Variants in LIPH observed in about 807,000 individuals in gnomAD.
LIPH encodes the protein lipase H, also known as lipase member H.
Under a neutral mutation model 47.6 loss-of-function variants are expected in LIPH, and 32 were observed. The ratio of observed to expected loss-of-function variants is 0.67; its 90% confidence interval spans 0.51 to 0.90. The LOEUF (loss-of-function observed/expected upper bound fraction) is 0.90. Among genes scored for constraint, LIPH ranks in the 40% least tolerant of loss-of-function variants. The pLI is 0.00. For missense variants in LIPH, 497 were observed against 541.4 expected (o/e 0.92, Z 0.81); for synonymous variants, 190 against 195.6 (o/e 0.97, Z 0.24).
chr3:185,518,340 C>T (rs1719796317), intron 6 of LIPH, among the ~76,000 whole-genome samples: 1 of 152,012 alleles, frequency 6.6e-6, no homozygotes, highest in Non-Finnish European at 1.5e-5. Flanking sequence ...AGTGCAATGG[C>T]GCGGTCTCAG....
chr3:185,534,505 CA>C (rs1720440679), intron 2 of LIPH, among the ~76,000 whole-genome samples: 1 of 152,180 alleles, frequency 6.6e-6, no homozygotes, highest in African/African-American at 2.4e-5. Flanking sequence ...GGAAATTTAT[CA>C]TAATAAATAT....
At position 185,508,655 on chromosome 3, in the gene LIPH, C is replaced by A; in HGVS notation, c.*135G>T. ...GTTGTTTGATGTACAATGTGACATC[C>A]ATAGGACGCTACTGAAAAAAGCCTT... On this transcript the variant is annotated 3_prime_UTR_variant, in exon 10 of 10. Coordinates refer to ENST00000296252, the MANE Select transcript of LIPH (RefSeq NM_139248.3). 1 of 712,186 alleles carries A rather than the reference C, an allele frequency of 1.4e-6. No individual in the cohort carries two copies. Among genetic ancestry groups the A allele is most frequent in the Non-Finnish European group, 2.6e-6 (1 of 387,868 alleles). 44.1% of individuals were successfully genotyped at this position (712,186 alleles called of 1,614,324 possible).
rs1721078112 is a variant in LIPH, at chr3:185,552,456, A to G, written c.16T>C (p.Leu6=). The G allele has an allele frequency of 1.9e-6, 3 of 1,609,130 alleles. No homozygotes were observed. Among genetic ancestry groups the G allele is most frequent in the Admixed American group, 3.3e-5 (2 of 59,998 alleles). ...GACAAGCACAACAAACTGATGAATA[A>G]GTAGAATCTCAACATATGGAAACTG... MLRFY[L]FISLLCLSRS... is the part of the protein sequence containing the mutation. The change falls in exon 1 of 10, where the codon TTA becomes CTA. Residue 6 remains leucine (L), a synonymous_variant. Coordinates refer to ENST00000296252, the MANE Select transcript of LIPH (RefSeq NM_139248.3).
intron 5 of LIPH, 61 bp downstream of exon 5, chr3:185,524,010 C>A (rs1223813533): frequency 1.1e-5 from 13 of 1,154,064 alleles, no homozygotes; most frequent in Non-Finnish European, 1.7e-5. Context: ...GCATGAGCCA[C>A]CATGCACAGC....
chr3:185,514,787 A>G (rs937936041), intron 7 of LIPH, among the ~76,000 whole-genome samples: 2 of 152,170 alleles, frequency 1.3e-5, no homozygotes, highest in African/African-American at 4.8e-5. Flanking sequence ...GGTATTGTGA[A>G]GTCTTAGGGC....
chr3:185,523,253 T>C (rs1485966802), intron 5 of LIPH, among the ~76,000 whole-genome samples: 1 of 152,226 alleles, frequency 6.6e-6, no homozygotes, highest in Non-Finnish European at 1.5e-5. Context: ...AAATAATTCA[T>C]AATAGCTTTC....
At position 185,533,685 on chromosome 3, in the gene LIPH, A is replaced by T. The variant is rs1457448316; in HGVS notation, c.418-6T>A. 1.0e-5 allele frequency: 16 copies of T among 1,576,558 alleles called. No individual in the cohort carries two copies. The highest frequency in any genetic ancestry group is 1.3e-5 in the Non-Finnish European group (15 of 1,145,726). ...TCAAGAGAAGCTCCTTCTGCCTGGA[A>T]TTTCAAGAGGTCCATCATTGTAAAT... On this transcript the variant is annotated splice_polypyrimidine_tract_variant and splice_region_variant and intron_variant, in intron 2 of 9. Coordinates refer to ENST00000296252, the MANE Select transcript of LIPH (RefSeq NM_139248.3).
intron 3 of LIPH, among the ~76,000 whole-genome samples, chr3:185,532,437 G>T (rs918687069): frequency 1.5e-4 from 23 of 151,406 alleles, no homozygotes; most frequent in Admixed American, 3.9e-4. Flanking sequence ...TTGTGCCTGG[G>T]GGGGCGTTGA....
intron 4 of LIPH, 54 bp from the exon 5 acceptor site, chr3:185,524,214 A>G (rs1423896816): frequency 3.0e-5 from 30 of 1,001,438 alleles, no homozygotes; most frequent in Non-Finnish European, 4.5e-5. Flanking sequence ...CCTATCTCAC[A>G]GCTCATTTGC....
rs756036900 is a variant in LIPH, at chr3:185,514,546, TAA to T, written c.983-27_983-26del. ...ACTGCAAAACAGAGAGAGAACACGG[TAA>T]GAGAGAGATACTACCAACTGATCCC... On this transcript the variant is annotated intron_variant, in intron 7 of 9. Coordinates refer to ENST00000296252, the MANE Select transcript of LIPH (RefSeq NM_139248.3). The T allele has an allele frequency of 6.7e-6, 6 of 891,030 alleles. No homozygotes were observed. The South Asian group carries it at 7.8e-5, about 12-fold the overall frequency. 55.2% of individuals were successfully genotyped at this position (891,030 alleles called of 1,614,324 possible). A position where few individuals can be genotyped will look rare whatever the true frequency, so the allele number is the denominator to read the frequency against.
intron 3 of LIPH, among the ~76,000 whole-genome samples, chr3:185,528,326 G>A (rs1276887172): frequency 6.8e-6 from 1 of 146,076 alleles, no homozygotes; most frequent in South Asian, 2.2e-4. Context: ...AAAGAAAGAA[G>A]AAAGAAAGAA....
intron 8 of LIPH, 113 bp downstream of exon 8, chr3:185,514,297 A>G: frequency 2.8e-6 from 2 of 708,924 alleles, no homozygotes; most frequent in Non-Finnish European, 5.2e-6. Flanking sequence ...TATATCTTTT[A>G]TAGAACAAGG....
At chr3:185,536,809 C>A (rs1247665972) in intron 1 of LIPH, among the ~76,000 whole-genome samples, 1 of 152,066 alleles carries the variant, frequency 6.6e-6, no homozygotes, top group African/African-American at 2.4e-5. Flanking sequence ...GAAATTTGTT[C>A]CCAGAAAACA....
chr3:185,508,594 AG>A lies in LIPH; in HGVS notation c.*195del, dbSNP rs1182768580. The A allele has an allele frequency of 1.7e-6, 1 of 596,104 alleles. No homozygotes were observed. Among genetic ancestry groups the A allele is most frequent in the Non-Finnish European group, 3.0e-6 (1 of 333,570 alleles). The allele number at this position is 596,104 out of a possible 1,614,324, so 36.9% of individuals were successfully genotyped here. On this transcript the variant is annotated 3_prime_UTR_variant, in exon 10 of 10. Transcript: ENST00000296252. The stretch of plus-strand genomic sequence containing the variant: ...TGGCTATTTCTGACTTGCCCTAGTT[AG>A]GGGCTCCTTCCCAGGATCGTTTTAT...
At chr3:185,533,298 A>G (rs1212462579) in intron 3 of LIPH, among the ~76,000 whole-genome samples, 1 of 152,212 alleles carries the variant, frequency 6.6e-6, no homozygotes, top group Admixed American at 6.5e-5. Flanking sequence ...TGAATGGGAC[A>G]TAGCTGTTTT....
At chr3:185,523,962 T>C in intron 5 of LIPH, 109 bp downstream of exon 5, 1 of 723,562 alleles carries the variant, frequency 1.4e-6, no homozygotes, top group Admixed American at 2.0e-5. Flanking sequence ...CCTCAGGTGA[T>C]CCACCCGTCT....
chr3:185,541,043 G>A (rs895860916), intron 1 of LIPH, among the ~76,000 whole-genome samples: 3 of 152,132 alleles, frequency 2.0e-5, no homozygotes, highest in South Asian at 2.1e-4. Context: ...TATATGTGAC[G>A]AGGACATTAA....
At chr3:185,530,180 A>C (rs1364668233) in intron 3 of LIPH, among the ~76,000 whole-genome samples, 1 of 152,032 alleles carries the variant, frequency 6.6e-6, no homozygotes, top group Non-Finnish European at 1.5e-5. Flanking sequence ...CCTGTCTCAA[A>C]AATAAATAAG....
chr3:185,534,113 T>G (rs1426820965), intron 2 of LIPH, among the ~76,000 whole-genome samples: 1 of 152,082 alleles, frequency 6.6e-6, no homozygotes, highest in Non-Finnish European at 1.5e-5. Context: ...ATCCCAGCAC[T>G]TTGGAAGGCC....
Sources: gnomAD v4.1 joint callset for allele counts (sites outside exome capture counted in the v4.1 genomes callset) on GRCh38, gnomAD v4.1.1 for gene constraint, MANE v1.5 for transcripts, NCBI Gene and HGNC (gene_info 2026-07-23, HGNC 2026-07-21) for gene names.